Variants in EHD3 observed in about 807,000 individuals in gnomAD.
The protein encoded by EHD3 is EH domain containing 3.
In EHD3, 17 loss-of-function variants were observed where a neutral mutation model predicts 43.0. The observed-to-expected ratio is 0.40, with a 90% CI of 0.27 to 0.59. The LOEUF (loss-of-function observed/expected upper bound fraction) is 0.59. Ranked by LOEUF, EHD3 falls within the 20% of genes least tolerant of loss-of-function variation. EHD3 has a pLI of 0.49. For missense variants in EHD3, 594 were observed against 705.6 expected, an observed-to-expected ratio of 0.84 and a Z score of 1.79; for synonymous variants, 313 against 289.5, an observed-to-expected ratio of 1.08 and a Z score of -0.82.
Position 31,266,137 on chromosome 2 carries a change from C to T in EHD3, c.1081-40C>T, listed in dbSNP as rs769863130. 1 of 1,565,770 alleles carries T rather than the reference C, an allele frequency of 6.4e-7. No individual in the cohort carries two copies. Among genetic ancestry groups the T allele is most frequent in the Non-Finnish European group, 8.7e-7 (1 of 1,153,072 alleles). On this transcript the variant is annotated intron_variant, in intron 5 of 5. Coordinates refer to ENST00000322054, the MANE Select transcript of EHD3 (RefSeq NM_014600.3). The surrounding 1 kb of genome is among the most constrained non-coding windows in gnomAD (Gnocchi z 5.1). The stretch of plus-strand genomic sequence containing the variant: ...CGTGATAAATGGAGGGCTCTCCTTT[C>T]ATCGTATCCTATCTTCATCCTCTCT...
At chr2:31,243,492 T>C (rs1241914632) in intron 1 of EHD3, among the ~76,000 whole-genome samples, 1 of 140,226 alleles carries the variant, frequency 7.1e-6, no homozygotes, top group Non-Finnish European at 1.5e-5. Context: ...GTTTCGTTCT[T>C]GTTGCCCAGG....
rs1485825725 is a variant in EHD3, at chr2:31,244,306, G to T, written c.260G>T (p.Arg87Met). The T allele has an allele frequency of 3.7e-6, 6 of 1,613,998 alleles. No homozygotes were observed. The highest frequency in any genetic ancestry group is 5.1e-6 in the Non-Finnish European group (6 of 1,179,984). The change falls in exon 2 of 6, where the codon AGG becomes ATG. Residue 87 changes from arginine (R) to methionine (M), a missense_variant. Transcript: ENST00000322054. ...CTGGAACAGGACTTCCCAGGCATGA[G>T]GATTGGGCCTGAGCCCACCACAGAC... Reference protein sequence around the residue: ...YLLEQDFPGMRIGPEPTTDSF... With the variant: ...YLLEQDFPGMMIGPEPTTDSF...
intron 3 of EHD3, among the ~76,000 whole-genome samples, chr2:31,256,133 G>C (rs998565226): frequency 6.6e-6 from 1 of 152,210 alleles, no homozygotes; most frequent in African/African-American, 2.4e-5. Flanking sequence ...CAGTAAGTTA[G>C]TGGCTAAGCG....
rs1472934729 is a variant in EHD3 at position 31,266,534 on chromosome 2, G to A, written c.1438G>A (p.Val480Met). The change falls in exon 6 of 6, where the codon GTG (valine) becomes ATG (methionine). Residue 480 changes from valine to methionine, a missense_variant. Transcript: ENST00000322054. The surrounding 1 kb of genome is among the most constrained non-coding windows in gnomAD (Gnocchi z 5.1). Reference sequence around the variant, plus strand: ...GGTGCGCTCCAAGCTGCCCAACAGTGTGCTGGGCAAGATCTGGAAGCTGGC... The same window carrying A: ...GGTGCGCTCCAAGCTGCCCAACAGTATGCTGGGCAAGATCTGGAAGCTGGC... ...EMVRSKLPNSVLGKIWKLADI... is the reference protein window; with the variant it reads ...EMVRSKLPNSMLGKIWKLADI... 1 of 1,614,174 alleles carries A rather than the reference G, an allele frequency of 6.2e-7. No homozygotes were observed. The highest frequency in any genetic ancestry group is 8.5e-7 in the Non-Finnish European group (1 of 1,180,036).
rs1048803980 is a variant in EHD3 at position 31,260,651 on chromosome 2, G to A, written c.644G>A (p.Arg215Gln). 7 of 1,614,202 alleles carry A rather than the reference G, an allele frequency of 4.3e-6. No homozygotes were observed. Among genetic ancestry groups the A allele is most frequent in the East Asian group, 2.2e-5 (1 of 44,890 alleles). ...KALKNHEDKM[R>Q]VVLNKADQIE... ...CTCAAGAACCACGAGGACAAGATGC[G>A]AGTGGTGCTGAACAAAGCTGACCAG... The change falls in exon 4 of 6, where the codon CGA (arginine) becomes CAA (glutamine). Residue 215 changes from arginine to glutamine, a missense_variant. Arg to Gln is a conservative substitution (Grantham distance 43, BLOSUM62 1). This residue lies in a region of EHD3 where 243 missense variants were observed against 296.7 expected (regional missense o/e 0.82). Transcript: ENST00000322054. The surrounding 1 kb of genome is among the most constrained non-coding windows in gnomAD (Gnocchi z 4.6).
rs560010016 is a variant in EHD3 at position 31,254,501 on chromosome 2, G to A, written c.502+5033G>A. Among the ~76,000 whole-genome samples, 154 of 152,366 alleles carry A rather than the reference G, an allele frequency of 1.0e-3. 1 individual carries two copies. The highest frequency in any genetic ancestry group is 3.5e-3 in the African/African-American group (147 of 41,580). On this transcript the variant is annotated intron_variant, in intron 3 of 5. Transcript: ENST00000322054. Reference sequence around the variant, plus strand: ...CCATCTGCTCGGGCCGCTCTTTGCCGTTACTTCTGGGAAGCATCTAATGTG... The same window carrying A: ...CCATCTGCTCGGGCCGCTCTTTGCCATTACTTCTGGGAAGCATCTAATGTG...
Position 31,266,761 on chromosome 2 carries a change from TACACACACACACACAC to T in EHD3, c.*75_*90del, listed in dbSNP as rs67643147. Reference sequence around the variant, plus strand: ...TAGAGGAGGAGATGGGAGCGGTGACTACACACACACACACACACACACACACACACACAAACATGCA... The same window carrying T: ...TAGAGGAGGAGATGGGAGCGGTGACTACACACACACACACACAAACATGCA... On this transcript the variant is annotated 3_prime_UTR_variant, in exon 6 of 6. Coordinates refer to ENST00000322054, the MANE Select transcript of EHD3 (RefSeq NM_014600.3). The surrounding 1 kb of genome is among the most constrained non-coding windows in gnomAD (Gnocchi z 5.1). 94 of 1,179,174 alleles carry T rather than the reference TACACACACACACACAC, an allele frequency of 8.0e-5. No individual in the cohort carries two copies. Among genetic ancestry groups the T allele is most frequent in the African/African-American group, 7.8e-4 (48 of 61,514 alleles). 73.0% of individuals were successfully genotyped at this position (1,179,174 alleles called of 1,614,324 possible).
Position 31,248,514 on chromosome 2 carries a change from G to A in EHD3, c.405-857G>A, listed in dbSNP as rs373583576. Among the ~76,000 whole-genome samples, 6 of 152,160 alleles carry A rather than the reference G, an allele frequency of 3.9e-5. No individual in the cohort carries two copies. The East Asian group carries it at 7.7e-4, about 20-fold the overall frequency. ...TGTGCTCCTTGGAGACAGGGATCGA[G>A]GTTTGGATATCTTAGTGTCCCCAAC... On this transcript the variant is annotated intron_variant, in intron 2 of 5. Coordinates refer to ENST00000322054, the MANE Select transcript of EHD3 (RefSeq NM_014600.3).
intron 1 of EHD3, among the ~76,000 whole-genome samples, chr2:31,241,782 T>C (rs776526032): frequency 1.1e-4 from 16 of 152,154 alleles, no homozygotes; most frequent in Non-Finnish European, 1.9e-4. Context: ...GCCACTGAGA[T>C]TCACAGCTTC....
At chr2:31,249,154 C>T (rs539473779) in intron 2 of EHD3, among the ~76,000 whole-genome samples, 2 of 152,198 alleles carry the variant, frequency 1.3e-5, no homozygotes, top group Admixed American at 6.5e-5. Context: ...GGGTGCAGGG[C>T]GCTCTTAACA....
intron 3 of EHD3, among the ~76,000 whole-genome samples, chr2:31,257,438 C>T (rs1336710589): frequency 1.4e-5 from 2 of 143,848 alleles, no homozygotes; most frequent in African/African-American, 5.1e-5. Flanking sequence ...GCTGTGCCTG[C>T]GTGCCAGGGA....
Position 31,268,656 on chromosome 2 carries a change from T to C in EHD3, c.*1952T>C, listed in dbSNP as rs1484374883. ...CTGGGCTTCCTTCTGCAAATACACA[T>C]TTCTCTTTCACATGAAATGAAGGGC... is the stretch of plus-strand genomic sequence containing the variant. On this transcript the variant is annotated 3_prime_UTR_variant, in exon 6 of 6. Coordinates refer to ENST00000322054, the MANE Select transcript of EHD3 (RefSeq NM_014600.3). 6.6e-6 allele frequency: 1 copy of C among 152,180 alleles called. No homozygotes were observed. Among genetic ancestry groups the C allele is most frequent in the Non-Finnish European group, 1.5e-5 (1 of 68,040 alleles). The allele number at this position is 152,180 out of a possible 1,614,324, so 9.4% of individuals were successfully genotyped here. A position where few individuals can be genotyped will look rare whatever the true frequency, so the allele number is the denominator to read the frequency against.
chr2:31,261,252 C>A (rs1683849227), intron 4 of EHD3, among the ~76,000 whole-genome samples: 1 of 152,154 alleles, frequency 6.6e-6, no homozygotes, highest in African/African-American at 2.4e-5. Flanking sequence ...CTGGCACCTT[C>A]AGAGATGCTC....
At chr2:31,255,940 A>C (rs1256288856) in intron 3 of EHD3, among the ~76,000 whole-genome samples, 1 of 152,202 alleles carries the variant, frequency 6.6e-6, no homozygotes, top group Non-Finnish European at 1.5e-5. Flanking sequence ...CTGTGCCTGC[A>C]AAGGGTCCCT....
intron 3 of EHD3, among the ~76,000 whole-genome samples, chr2:31,259,915 G>A (rs2148722888): frequency 6.6e-6 from 1 of 152,238 alleles, no homozygotes; most frequent in South Asian, 2.1e-4. Context: ...CAGGCGCAGT[G>A]GCTGGCTGGG....
At chr2:31,242,312 G>A (rs541581484) in intron 1 of EHD3, among the ~76,000 whole-genome samples, 5 of 152,322 alleles carry the variant, frequency 3.3e-5, no homozygotes, top group South Asian at 2.1e-4. Flanking sequence ...GCATGCACAC[G>A]TTGTGGGGAG....
intron 3 of EHD3, among the ~76,000 whole-genome samples, chr2:31,249,735 T>C (rs1683598301): frequency 6.6e-6 from 1 of 152,134 alleles, no homozygotes; most frequent in Non-Finnish European, 1.5e-5. Flanking sequence ...AATATCAGTC[T>C]TACCTCGTTG....
intron 2 of EHD3, among the ~76,000 whole-genome samples, chr2:31,247,681 G>A (rs185259573): frequency 6.6e-6 from 1 of 152,196 alleles, no homozygotes; most frequent in Non-Finnish European, 1.5e-5. Context: ...ATTCTGTGGG[G>A]GAATATAAGG....
chr2:31,240,667 G>C (rs1051209073), intron 1 of EHD3, among the ~76,000 whole-genome samples: 2 of 152,214 alleles, frequency 1.3e-5, no homozygotes, highest in Non-Finnish European at 2.9e-5. Flanking sequence ...AGGCTGGGAA[G>C]CCTTCACTCA....
Sources: allele counts gnomAD v4.1 joint callset (sites outside exome capture counted in the v4.1 genomes callset), GRCh38; gene constraint gnomAD v4.1.1; regional missense constraint gnomAD v4.1.1; non-coding constraint Gnocchi (gnomAD v3.1); transcripts MANE v1.5; gene names NCBI Gene and HGNC (gene_info 2026-07-23, HGNC 2026-07-21).